Variants in SPECC1L observed in about 807,000 individuals in gnomAD.
SPECC1L encodes cytospin-A.
SPECC1L carries 40 observed loss-of-function variants against 116.8 expected under a neutral mutation model. The observed-to-expected ratio is 0.34, with a 90% confidence interval of 0.27 to 0.45. The LOEUF (loss-of-function observed/expected upper bound fraction) is 0.45, where lower values mean the gene tolerates loss of function less well. SPECC1L is among the 20% of genes least tolerant of loss of function. The pLI, the probability that SPECC1L is intolerant of heterozygous loss-of-function variation, is 1.00. For missense variants in SPECC1L, 1,110 were observed against 1,373.6 expected (o/e 0.81, Z 3.03); for synonymous variants, 504 against 500.6 (o/e 1.01, Z -0.09).
At chr22:24,340,100 A>G (rs955505897) in intron 10 of SPECC1L, among the ~76,000 whole-genome samples, 13 of 151,364 alleles carry the variant, frequency 8.6e-5, no homozygotes, top group South Asian at 2.1e-4. Flanking sequence ...TCGTAATTTA[A>G]AAAGAAGGGA....
intron 14 of SPECC1L, among the ~76,000 whole-genome samples, chr22:24,388,894 G>T (rs2042213907): frequency 1.3e-5 from 2 of 152,028 alleles, no homozygotes; most frequent in Non-Finnish European, 2.9e-5. Context: ...GTGGTTTTTA[G>T]TATATGCACA....
intron 10 of SPECC1L, among the ~76,000 whole-genome samples, chr22:24,345,986 A>G (rs1384255752): frequency 6.6e-6 from 1 of 151,306 alleles, no homozygotes; most frequent in African/African-American, 2.4e-5. Flanking sequence ...TTAAGTGTTC[A>G]TGGTGGATTC....
At chr22:24,334,288 A>G in intron 8 of SPECC1L, 122 bp from the exon 9 acceptor site, 1 of 949,602 alleles carries the variant, frequency 1.1e-6, no homozygotes, top group Non-Finnish European at 1.7e-6. Flanking sequence ...CTGGGATTAC[A>G]GGTGTGAGCC....
intron 2 of SPECC1L, among the ~76,000 whole-genome samples, chr22:24,282,233 T>G (rs2048957764): frequency 6.6e-6 from 1 of 152,236 alleles, no homozygotes; most frequent in Admixed American, 6.5e-5. Flanking sequence ...AGGGTCAGAA[T>G]CTTTAGCCTT....
Position 24,412,645 on chromosome 22 carries a change from C to CAGTA in SPECC1L, c.3205-1_3205insTAAG. ...CACTGCAGTGACACAGTTTCTTTTACAGAGAAGGAACTTCATGCTGGCTTT... is the reference window on the plus strand; with the variant it reads ...CACTGCAGTGACACAGTTTCTTTTACAGTAAGAGAAGGAACTTCATGCTGGCTTT... On this transcript the variant is annotated splice_polypyrimidine_tract_variant and splice_region_variant and intron_variant, in intron 15 of 16. Coordinates refer to ENST00000314328, the MANE Select transcript of SPECC1L (RefSeq NM_015330.6). The CAGTA allele has an allele frequency of 6.2e-7, 1 of 1,614,176 alleles. No individual in the cohort carries two copies. The highest frequency in any genetic ancestry group is 1.3e-5 in the African/African-American group (1 of 75,060).
At chr22:24,368,189 G>A (rs1569438140) in intron 13 of SPECC1L, among the ~76,000 whole-genome samples, 1 of 152,202 alleles carries the variant, frequency 6.6e-6, no homozygotes, top group African/African-American at 2.4e-5. Context: ...TGAATCATAT[G>A]TATAGCCACG....
At chr22:24,338,512 C>T in intron 10 of SPECC1L, 35 bp downstream of exon 10, 1 of 1,595,606 alleles carries the variant, frequency 6.3e-7, no homozygotes, top group Non-Finnish European at 8.6e-7. Flanking sequence ...CTCTTAGAGC[C>T]TCAGAATCTG....
chr22:24,368,600 G>T (rs915177172), intron 13 of SPECC1L, among the ~76,000 whole-genome samples: 11 of 152,122 alleles, frequency 7.2e-5, no homozygotes, highest in African/African-American at 2.7e-4. Flanking sequence ...TTTACAATAA[G>T]TAATTTTTTT....
chr22:24,311,407 G>T (rs971430161), intron 3 of SPECC1L, among the ~76,000 whole-genome samples: 4 of 152,308 alleles, frequency 2.6e-5, no homozygotes, highest in Non-Finnish European at 4.4e-5. Flanking sequence ...CTATTTACTG[G>T]CTAAGAGAGG....
chr22:24,318,305 G>A (rs1276134708), intron 4 of SPECC1L, among the ~76,000 whole-genome samples: 3 of 152,232 alleles, frequency 2.0e-5, no homozygotes, highest in Non-Finnish European at 4.4e-5. Context: ...GATCACTCGC[G>A]GTTAGGAGCT....
chr22:24,351,920 C>T (rs1050004145), intron 11 of SPECC1L, among the ~76,000 whole-genome samples: 8 of 151,474 alleles, frequency 5.3e-5, no homozygotes, highest in East Asian at 3.9e-4. Flanking sequence ...ACCCGGGAGG[C>T]GGAGCTTTCA....
At chr22:24,298,497 G>C (rs896744013) in intron 2 of SPECC1L, among the ~76,000 whole-genome samples, 1 of 152,158 alleles carries the variant, frequency 6.6e-6, no homozygotes, top group Non-Finnish European at 1.5e-5. Context: ...TGCAATTATG[G>C]AGGCTGAGAA....
chr22:24,366,192 G>A (rs993161023), intron 13 of SPECC1L, among the ~76,000 whole-genome samples: 4 of 88,284 alleles, frequency 4.5e-5, no homozygotes, highest in African/African-American at 6.7e-5. Flanking sequence ...CAAAGTGATG[G>A]AACTTTTCTT....
intron 3 of SPECC1L, among the ~76,000 whole-genome samples, chr22:24,309,470 G>A (rs761520765): frequency 2.2e-4 from 34 of 151,910 alleles, no homozygotes; most frequent in Non-Finnish European, 3.8e-4. Flanking sequence ...GCGAGATCTC[G>A]GCTCACTGCA....
intron 1 of SPECC1L, among the ~76,000 whole-genome samples, chr22:24,274,257 G>A (rs542945409): frequency 1.1e-4 from 16 of 152,300 alleles, no homozygotes; most frequent in South Asian, 1.0e-3. Flanking sequence ...CTTAAACAAC[G>A]TATTTTGGGT....
At chr22:24,319,570 A>G (rs2146469971) in intron 4 of SPECC1L, among the ~76,000 whole-genome samples, 1 of 152,308 alleles carries the variant, frequency 6.6e-6, no homozygotes, top group East Asian at 1.9e-4. Context: ...TTTCCTACTC[A>G]GGATCATTTA....
At chr22:24,383,753 T>TA (rs2042103979) in intron 14 of SPECC1L, among the ~76,000 whole-genome samples, 2 of 149,500 alleles carry the variant, frequency 1.3e-5, no homozygotes, top group African/African-American at 4.9e-5. Flanking sequence ...GCTCCTGCCT[T>TA]AACCTGTTGA....
In SPECC1L at chr22:24,322,184, C is replaced by T; in HGVS notation, c.1204C>T (p.Gln402Ter). Residue 402 changes from glutamine (Q) to a stop codon, truncating the protein, a stop_gained, in exon 5 of 17, where the codon CAG becomes TAG. Coordinates refer to ENST00000314328, the MANE Select transcript of SPECC1L (RefSeq NM_015330.6). LOFTEE classifies it high-confidence loss of function. The stretch of plus-strand genomic sequence containing the variant: ...GGCTTGCCTGACTGAACGGATACAC[C>T]AGATGGAAGAGAACCAACACAGTAC... Reference protein sequence around the residue: ...SVACLTERIHQMEENQHSTSE... With the variant: ...SVACLTERIH 1 of 1,613,966 alleles carries T rather than the reference C, an allele frequency of 6.2e-7. No homozygotes were observed. Among genetic ancestry groups the T allele is most frequent in the Non-Finnish European group, 8.5e-7 (1 of 1,180,040 alleles).
chr22:24,343,681 A>G, intron 10 of SPECC1L: 1 of 202,958 alleles, frequency 4.9e-6, no homozygotes, highest in Non-Finnish European at 1.0e-5. Context: ...GGCTTGTCTC[A>G]AATTCCTGGA....
Sources: allele counts gnomAD v4.1 joint callset (sites outside exome capture counted in the v4.1 genomes callset), GRCh38; gene constraint gnomAD v4.1.1; transcripts MANE v1.5; gene names NCBI Gene and HGNC (gene_info 2026-07-23, HGNC 2026-07-21).